The following C8B variants were observed in gnomAD, a reference collection of about 807,000 sequenced individuals.
The protein encoded by C8B is complement component C8 beta chain.
Under a neutral mutation model 64.6 loss-of-function variants are expected in C8B, and 67 were observed. The ratio of observed to expected loss-of-function variants is 1.04; its 90% CI spans 0.85 to 1.27. The LOEUF (loss-of-function observed/expected upper bound fraction) is 1.27. Ranked by LOEUF, C8B falls within the 50% of genes most tolerant of loss-of-function variation. The pLI, the probability that C8B is intolerant of heterozygous loss-of-function variation, is 0.00. For synonymous variants in C8B, 284 were observed against 257.7 expected (o/e 1.10, Z -0.98); for missense variants, 790 against 725.2 (o/e 1.09, Z -1.03).
At position 56,940,814 on chromosome 1, in the gene C8B, G is replaced by A. The variant is rs746687214; in HGVS notation, c.1398+35C>T. ...TAGGTCCTCAGAAGCTATTTTCTGGGTGGAGGAAAGGATGGGTAGAGCAGC... is the reference window on the plus strand; with the variant it reads ...TAGGTCCTCAGAAGCTATTTTCTGGATGGAGGAAAGGATGGGTAGAGCAGC... On this transcript the variant is annotated intron_variant, in intron 9 of 11. Transcript: ENST00000371237. 3 of 1,613,406 alleles carry A rather than the reference G, an allele frequency of 1.9e-6. No homozygotes were observed. In the African/African-American group the frequency reaches 4.0e-5, roughly 22 times the overall value.
chr1:56,945,523 G>A (rs538244189), intron 7 of C8B, among the ~76,000 whole-genome samples: 21 of 152,228 alleles, frequency 1.4e-4, no homozygotes, highest in Non-Finnish European at 2.4e-4. Context: ...ATAAACTCTC[G>A]GGTGCAGGAA....
intron 3 of C8B, among the ~76,000 whole-genome samples, chr1:56,956,006 ACCTT>A (rs988321968): frequency 3.3e-5 from 5 of 151,874 alleles, no homozygotes; most frequent in African/African-American, 1.2e-4. Context: ...CTTTCTTCCT[ACCTT>A]CCTTCCTTCC....
At chr1:56,960,456 T>C (rs1645162927) in intron 1 of C8B, among the ~76,000 whole-genome samples, 1 of 152,354 alleles carries the variant, frequency 6.6e-6, no homozygotes, top group South Asian at 2.1e-4. Flanking sequence ...CCTAACATTA[T>C]GGCTAGAGAA....
At chr1:56,950,927 A>G (rs646606) in intron 5 of C8B, among the ~76,000 whole-genome samples, 51,632 of 151,994 alleles carry the variant, frequency 0.34, 9,000 homozygotes, top group South Asian at 0.55. Flanking sequence ...TTGCTGTGAA[A>G]TCCTCCCTTG....
intron 8 of C8B, among the ~76,000 whole-genome samples, chr1:56,942,084 T>A (rs955158976): frequency 6.6e-6 from 1 of 152,250 alleles, no homozygotes; most frequent in Non-Finnish European, 1.5e-5. Context: ...ATCTAAGTGC[T>A]GTACATGTAT....
chr1:56,943,120 G>A (rs1644889285), intron 8 of C8B, among the ~76,000 whole-genome samples: 1 of 151,912 alleles, frequency 6.6e-6, no homozygotes, highest in Non-Finnish European at 1.5e-5. Context: ...AAAAGCTGGG[G>A]GAGGGGAGGA....
At chr1:56,956,039 C>T (rs954989562) in intron 3 of C8B, among the ~76,000 whole-genome samples, 1 of 152,178 alleles carries the variant, frequency 6.6e-6, no homozygotes, top group African/African-American at 2.4e-5. Context: ...GTCTATCCAT[C>T]TGTCCTTTTT....
intron 2 of C8B, among the ~76,000 whole-genome samples, chr1:56,957,590 T>C: frequency 6.6e-6 from 1 of 152,256 alleles, no homozygotes; most frequent in Non-Finnish European, 1.5e-5. Flanking sequence ...TTTTTCTTTA[T>C]TATTGCTTTT....
intron 1 of C8B, among the ~76,000 whole-genome samples, chr1:56,962,485 C>G (rs763764320): frequency 3.3e-5 from 5 of 152,122 alleles, no homozygotes; most frequent in African/African-American, 1.2e-4. Context: ...GCCTTTCACC[C>G]CTATGGATTT....
rs1322671812 is a variant in C8B at position 56,941,094 on chromosome 1, G to C, written c.1235-82C>G. ...TTGCTGCAACCCAACCAACAATTTG[G>C]GTACACCATATTCACTGAACTTGTC... is the stretch of plus-strand genomic sequence containing the variant. On this transcript the variant is annotated intron_variant, in intron 8 of 11. Transcript: ENST00000371237. The C allele has an allele frequency of 1.2e-5, 18 of 1,469,944 alleles. No homozygotes were observed. The East Asian group carries it at 4.0e-4, about 32-fold the overall frequency. The allele number at this position is 1,469,944 out of a possible 1,614,324, so 91.1% of individuals were successfully genotyped here. A position where few individuals can be genotyped will look rare whatever the true frequency, so the allele number is the denominator to read the frequency against.
In C8B at chr1:56,934,467, C is replaced by A. The variant is rs184708764; in HGVS notation, c.1399-979G>T. On this transcript the variant is annotated intron_variant, in intron 9 of 11. Transcript: ENST00000371237. The stretch of plus-strand genomic sequence containing the variant: ...TAGAAAAACCAGAGGCACAGACAGT[C>A]CAAATAGATAGTTAAAAATGTTCTA... Among the ~76,000 whole-genome samples the A allele has an allele frequency of 1.1e-3, 170 of 152,286 alleles. No individual in the cohort carries two copies. In the Middle Eastern group the frequency reaches 0.017, roughly 15 times the overall value.
At chr1:56,950,436 T>C (rs1645003493) in intron 5 of C8B, among the ~76,000 whole-genome samples, 2 of 152,180 alleles carry the variant, frequency 1.3e-5, no homozygotes. Context: ...AGCCATTTGC[T>C]CTAAAACCAG....
At position 56,940,854 on chromosome 1, in the gene C8B, CT is replaced by C; in HGVS notation, c.1392del (p.Val465LeufsTer9). On this transcript the variant is annotated frameshift_variant, in exon 9 of 12. Transcript: ENST00000371237. LOFTEE classifies it high-confidence loss of function. ...GGTAGAGCAGCGTTGTGTACCTTAA[CT>C]TTGATGATGGCTGGGTTGTACTGCA... Reference protein sequence around the residue: ...DAVQYNPAIIKVKVEPLYELV... With the variant: ...DAVQYNPAIIXVKVEPLYELV... 6.2e-7 allele frequency: 1 copy of C among 1,613,986 alleles called. No homozygotes were observed. The highest frequency in any genetic ancestry group is 8.5e-7 in the Non-Finnish European group (1 of 1,179,980).
Position 56,945,880 on chromosome 1 carries a change from A to G in C8B, c.1046T>C (p.Val349Ala), listed in dbSNP as rs768844606. The G allele has an allele frequency of 5.6e-6, 9 of 1,614,036 alleles. No individual in the cohort carries two copies. The Admixed American group carries it at 1.5e-4, about 27-fold the overall frequency. ...DFGTHYITEA[V>A]LGGIYEYTLV... ...GGTGTATTCATAAATGCCCCCAAGC[A>G]CAGCCTCTGTGATGTAGTGGGTCCC... Residue 349 changes from valine (V) to alanine (A), a missense_variant, in exon 7 of 12, where the codon GTG (valine) becomes GCG (alanine). By Grantham distance (64) the Val-to-Ala change is moderately conservative. Coordinates refer to ENST00000371237, the MANE Select transcript of C8B (RefSeq NM_000066.4).
At chr1:56,939,538 G>A (rs1340751084) in intron 9 of C8B, among the ~76,000 whole-genome samples, 1 of 152,152 alleles carries the variant, frequency 6.6e-6, no homozygotes, top group Non-Finnish European at 1.5e-5. Flanking sequence ...GGCCCATAAT[G>A]ACTGTACAGA....
intron 8 of C8B, among the ~76,000 whole-genome samples, chr1:56,942,084 T>C (rs955158976): frequency 1.3e-5 from 2 of 152,250 alleles, no homozygotes; most frequent in Admixed American, 1.3e-4. Context: ...ATCTAAGTGC[T>C]GTACATGTAT....
rs754102306 is a variant in C8B at position 56,960,094 on chromosome 1, TAAC to T, written c.172_174del (p.Val58del). The T allele has an allele frequency of 5.0e-6, 8 of 1,613,974 alleles. No homozygotes were observed. Among genetic ancestry groups the T allele is most frequent in the Non-Finnish European group, 5.9e-6 (7 of 1,180,014 alleles). ...AGCTCACAATCAATGGGCATCAGGG[TAAC>T]ATCCACACTCCGCATCTGTCTGCTC... is the stretch of plus-strand genomic sequence containing the variant. On this transcript the variant is annotated inframe_deletion, in exon 2 of 12. Transcript: ENST00000371237.
intron 5 of C8B, among the ~76,000 whole-genome samples, chr1:56,951,468 T>C (rs1186224933): frequency 6.6e-6 from 1 of 152,136 alleles, no homozygotes; most frequent in Non-Finnish European, 1.5e-5. Context: ...CTGTGAGATG[T>C]TTCTAAGTTT....
chr1:56,933,247 C>A, intron 10 of C8B, 88 bp downstream of exon 10: 1 of 1,132,996 alleles, frequency 8.8e-7, no homozygotes, highest in South Asian at 1.2e-5. Context: ...TCTGACTTCT[C>A]AGTAAACAGA....
Sources: gnomAD v4.1 joint callset for allele counts (sites outside exome capture counted in the v4.1 genomes callset) on GRCh38, gnomAD v4.1.1 for gene constraint, MANE v1.5 for transcripts, NCBI Gene and HGNC (gene_info 2026-07-23, HGNC 2026-07-21) for gene names.